PTPRD: variants seen among roughly 807,000 people sequenced by gnomAD.
PTPRD encodes receptor-type tyrosine-protein phosphatase delta.
A neutral mutation model predicts 214.5 loss-of-function variants in PTPRD; 34 were observed. The observed-to-expected ratio is 0.16, with a 90% CI of 0.12 to 0.21. The LOEUF (loss-of-function observed/expected upper bound fraction) is 0.21, where lower values mean the gene tolerates loss of function less well. Ranked by LOEUF, PTPRD falls within the 10% of genes least tolerant of loss-of-function variation. The pLI, the probability that PTPRD is intolerant of heterozygous loss-of-function variation, is 1.00. For missense variants in PTPRD, 2,545 were observed against 2,398.7 expected, an observed-to-expected ratio of 1.06 and a Z score of -1.27; for synonymous variants, 1,128 against 845.7, an observed-to-expected ratio of 1.33 and a Z score of -5.79.
intron 3 of PTPRD, among the ~76,000 whole-genome samples, chr9:10,163,478 C>CTAGA (rs2099141140): frequency 6.6e-6 from 1 of 151,420 alleles, no homozygotes; most frequent in Non-Finnish European, 1.5e-5. Context: ...TCTAAGCTGA[C>CTAGA]TAGAATAAAT....
intron 11 of PTPRD, among the ~76,000 whole-genome samples, chr9:8,766,739 T>A (rs2094782635): frequency 6.6e-6 from 1 of 152,180 alleles, no homozygotes; most frequent in South Asian, 2.1e-4. Flanking sequence ...GGTAAATAAT[T>A]GTCTTACTTG....
intron 9 of PTPRD, among the ~76,000 whole-genome samples, chr9:9,334,085 T>A (rs2043455688): frequency 6.6e-6 from 1 of 151,992 alleles, no homozygotes; most frequent in Non-Finnish European, 1.5e-5. Flanking sequence ...TAAGTGTATA[T>A]GCCCGTAATG....
chr9:8,848,877 C>G (rs2097759511), intron 11 of PTPRD, among the ~76,000 whole-genome samples: 1 of 136,922 alleles, frequency 7.3e-6, no homozygotes, highest in Non-Finnish European at 1.6e-5. Flanking sequence ...ATAAAACCAT[C>G]TGACTTACAC....
In PTPRD at chr9:8,331,612, C is replaced by CCAAACTGTTCTTTTGTTTTA. The variant is rs1841236226; in HGVS notation, c.5484_5503dup (p.Gly1835ValfsTer28). 6.6e-7 allele frequency: 1 copy of CCAAACTGTTCTTTTGTTTTA among 1,520,012 alleles called. No individual in the cohort carries two copies. Among genetic ancestry groups the CCAAACTGTTCTTTTGTTTTA allele is most frequent in the Admixed American group, 2.1e-5 (1 of 46,650 alleles). The allele number at this position is 1,520,012 out of a possible 1,614,324, so 94.2% of individuals were successfully genotyped here. A position where few individuals can be genotyped will look rare whatever the true frequency, so the allele number is the denominator to read the frequency against. ...ATGGACTGAAATGGGTCCATCTTGGCCAAACTGTTCTTTTGTTTTATGGAC... is the reference window on the plus strand; with the variant it reads ...ATGGACTGAAATGGGTCCATCTTGGCCAAACTGTTCTTTTGTTTTACAAACTGTTCTTTTGTTTTATGGAC... On this transcript the variant is annotated frameshift_variant, in exon 44 of 46. Transcript: ENST00000381196. LOFTEE classifies it high-confidence loss of function.
intron 2 of PTPRD, among the ~76,000 whole-genome samples, chr9:10,558,470 T>G (rs2063117535): frequency 6.6e-6 from 1 of 152,102 alleles, no homozygotes; most frequent in Admixed American, 6.6e-5. Context: ...TTTCATCATG[T>G]TGTCTGAACC....
rs183514392 is a variant in PTPRD, at chr9:9,411,043, G to A, written c.-236-13561C>T. ...CCCACCACAGCTGCAAAACCTCTTT[G>A]TGTGTGTGTATGTGTGTGTGTGTTG... On this transcript the variant is annotated intron_variant, in intron 8 of 45. Coordinates refer to ENST00000381196, the MANE Select transcript of PTPRD (RefSeq NM_002839.4). Among the ~76,000 whole-genome samples the A allele has an allele frequency of 9.9e-4, 131 of 132,180 alleles. 2 individuals are homozygous for A. Among genetic ancestry groups the A allele is most frequent in the African/African-American group, 3.9e-3 (130 of 33,372 alleles). 86.7% of individuals were successfully genotyped at this position (132,180 alleles called of 152,430 possible). A position where few individuals can be genotyped will look rare whatever the true frequency, so the allele number is the denominator to read the frequency against.
At chr9:9,524,827 G>A (rs2073655881) in intron 8 of PTPRD, among the ~76,000 whole-genome samples, 1 of 151,944 alleles carries the variant, frequency 6.6e-6, no homozygotes, top group Admixed American at 6.6e-5. Flanking sequence ...TTGATTTTGG[G>A]TGATAGGAGT....
intron 7 of PTPRD, among the ~76,000 whole-genome samples, chr9:9,607,169 G>T (rs1409984452): frequency 6.6e-6 from 1 of 151,868 alleles, no homozygotes; most frequent in Non-Finnish European, 1.5e-5. Context: ...CTCTGAGGGT[G>T]AGGATTAGAA....
chr9:8,818,062 T>C (rs2096958762), intron 11 of PTPRD, among the ~76,000 whole-genome samples: 1 of 152,178 alleles, frequency 6.6e-6, no homozygotes, highest in Non-Finnish European at 1.5e-5. Flanking sequence ...TAGAGTTAAA[T>C]TGTAACTCTT....
chr9:8,982,021 G>A (rs2099315252), intron 11 of PTPRD, among the ~76,000 whole-genome samples: 2 of 151,990 alleles, frequency 1.3e-5, no homozygotes, highest in Admixed American at 1.3e-4. Flanking sequence ...TAAGGTATGG[G>A]TAAGAAAATT....
intron 5 of PTPRD, among the ~76,000 whole-genome samples, chr9:9,818,416 C>G (rs1327521105): frequency 6.6e-6 from 1 of 152,068 alleles, no homozygotes; most frequent in Admixed American, 6.6e-5. Context: ...AATACAACTC[C>G]TAGATGCTAT....
At chr9:10,240,129 C>T (rs866987348) in intron 3 of PTPRD, among the ~76,000 whole-genome samples, 1 of 151,892 alleles carries the variant, frequency 6.6e-6, no homozygotes, top group Non-Finnish European at 1.5e-5. Context: ...TTTGTATAAT[C>T]GTATTTCTAT....
chr9:9,346,392 T>G (rs1226121916), intron 9 of PTPRD, among the ~76,000 whole-genome samples: 3 of 152,086 alleles, frequency 2.0e-5, no homozygotes, highest in Non-Finnish European at 4.4e-5. Flanking sequence ...AAAAATTAAC[T>G]GAGAGAAATG....
At chr9:9,837,622 C>A (rs1009347844) in intron 5 of PTPRD, among the ~76,000 whole-genome samples, 1 of 152,032 alleles carries the variant, frequency 6.6e-6, no homozygotes, top group Admixed American at 6.6e-5. Flanking sequence ...GGAAATTAAT[C>A]TAGGCACATA....
chr9:9,075,142 AAATTTTT>A (rs1312237217), intron 10 of PTPRD, among the ~76,000 whole-genome samples: 1 of 152,060 alleles, frequency 6.6e-6, no homozygotes, highest in Non-Finnish European at 1.5e-5. Context: ...CTGTGTTTAA[AAATTTTT>A]AATTTTTAAT....
intron 2 of PTPRD, among the ~76,000 whole-genome samples, chr9:10,482,331 A>T (rs985008107): frequency 1.6e-4 from 25 of 152,096 alleles, no homozygotes; most frequent in Non-Finnish European, 2.6e-4. Context: ...AGATGGCGCC[A>T]CTGCACTCCA....
At position 10,302,312 on chromosome 9, in the gene PTPRD, A is replaced by G. The variant is rs139990550; in HGVS notation, c.-545+38651T>C. ...AACTGGTACCAGCCACTGCAAAAAC[A>G]TACCAAATTGTAAAGACCATCGACA... On this transcript the variant is annotated intron_variant, in intron 3 of 45. Transcript: ENST00000381196. Among the ~76,000 whole-genome samples the G allele has an allele frequency of 1.5e-3, 235 of 152,326 alleles. 4 individuals are homozygous for G. The highest frequency in any genetic ancestry group is 5.3e-3 in the African/African-American group (219 of 41,568).
intron 9 of PTPRD, among the ~76,000 whole-genome samples, chr9:9,190,175 T>G (rs1046817469): frequency 6.6e-6 from 1 of 152,056 alleles, no homozygotes; most frequent in Non-Finnish European, 1.5e-5. Flanking sequence ...CTGTTCTCAT[T>G]GGTAGATTAA....
chr9:8,335,139 C>G (rs569085288), intron 43 of PTPRD, among the ~76,000 whole-genome samples: 10 of 152,020 alleles, frequency 6.6e-5, no homozygotes, highest in Admixed American at 2.0e-4. Flanking sequence ...TCCTTCCTAA[C>G]TCATTTTATG....
Sources: gnomAD v4.1 joint callset for allele counts (sites outside exome capture counted in the v4.1 genomes callset) on GRCh38, gnomAD v4.1.1 for gene constraint, MANE v1.5 for transcripts, NCBI Gene and HGNC (gene_info 2026-07-23, HGNC 2026-07-21) for gene names.